The following ST8SIA5 variants were observed in gnomAD, a reference collection of about 807,000 sequenced individuals.
ST8SIA5 encodes the protein ST8 alpha-N-acetyl-neuraminide alpha-2,8-sialyltransferase 5.
ST8SIA5 carries 24 observed loss-of-function variants against 40.2 expected under a neutral mutation model. That is an observed-to-expected ratio of 0.60 (90% CI 0.43 to 0.84). ST8SIA5 has a LOEUF of 0.84. Among genes scored for constraint, ST8SIA5 ranks in the 40% least tolerant of loss-of-function variants. ST8SIA5 has a pLI of 0.00. For missense variants in ST8SIA5, 465 were observed against 498.5 expected (o/e 0.93, Z 0.64); for synonymous variants, 198 against 201.8 (o/e 0.98, Z 0.16).
Position 46,679,968 on chromosome 18 carries a change from C to T in ST8SIA5, c.*74G>A. 1 of 1,444,374 alleles carries T rather than the reference C, an allele frequency of 6.9e-7. No homozygotes were observed. The highest frequency in any genetic ancestry group is 9.3e-7 in the Non-Finnish European group (1 of 1,070,482). 89.5% of individuals were successfully genotyped at this position (1,444,374 alleles called of 1,614,324 possible). ...CGCCAGGACCCCACGCTGCCCGGTT[C>T]GGGGCTCCCAGTTCCACCAGGAGGG... On this transcript the variant is annotated 3_prime_UTR_variant, in exon 7 of 7. Transcript: ENST00000315087.
chr18:46,702,775 C>T (rs777026570), intron 2 of ST8SIA5, among the ~76,000 whole-genome samples: 6 of 152,198 alleles, frequency 3.9e-5, no homozygotes, highest in Non-Finnish European at 8.8e-5. Context: ...AATGTCTGTC[C>T]CCCTCAGTGG....
chr18:46,686,310 G>A (rs1179080646), intron 4 of ST8SIA5, 24 bp from the exon 5 acceptor site: 2 of 1,607,504 alleles, frequency 1.2e-6, no homozygotes, highest in East Asian at 2.2e-5. Flanking sequence ...AGGCACAGCT[G>A]TCAGAGCCAA....
At chr18:46,738,533 T>C (rs1456571826) in intron 1 of ST8SIA5, among the ~76,000 whole-genome samples, 5 of 152,198 alleles carry the variant, frequency 3.3e-5, no homozygotes, top group African/African-American at 4.8e-5. Flanking sequence ...CCTGGATCAC[T>C]TGCTGGCCTC....
chr18:46,699,220 AT>A (rs1347876511), intron 2 of ST8SIA5, among the ~76,000 whole-genome samples: 3 of 152,182 alleles, frequency 2.0e-5, no homozygotes, highest in African/African-American at 7.2e-5. Context: ...GGATTAAGAG[AT>A]ACTGTTGATA....
chr18:46,721,332 C>T (rs1407488953), intron 1 of ST8SIA5: 4 of 1,531,806 alleles, frequency 2.6e-6, no homozygotes, highest in Non-Finnish European at 3.5e-6. Flanking sequence ...GAGCTTCCCC[C>T]ACTCCCTGGC....
intron 1 of ST8SIA5, among the ~76,000 whole-genome samples, chr18:46,711,128 G>A (rs1384044113): frequency 6.6e-6 from 1 of 152,124 alleles, no homozygotes; most frequent in Non-Finnish European, 1.5e-5. Flanking sequence ...TGCAAATAAG[G>A]AAAAAGCACC....
intron 2 of ST8SIA5, among the ~76,000 whole-genome samples, chr18:46,696,701 C>T (rs1453488896): frequency 6.6e-6 from 1 of 152,196 alleles, no homozygotes; most frequent in Non-Finnish European, 1.5e-5. Flanking sequence ...AATTGCTTTA[C>T]AAATGCAGAG....
At chr18:46,749,704 C>G (rs531927945) in intron 1 of ST8SIA5, among the ~76,000 whole-genome samples, 3 of 152,228 alleles carry the variant, frequency 2.0e-5, no homozygotes, top group Non-Finnish European at 4.4e-5. Context: ...AAACATTTTA[C>G]ATAGTTTTTA....
intron 1 of ST8SIA5, among the ~76,000 whole-genome samples, chr18:46,719,396 G>A (rs1419566213): frequency 6.6e-6 from 1 of 152,090 alleles, no homozygotes; most frequent in East Asian, 1.9e-4. Flanking sequence ...GAGAGAGGGA[G>A]GCAATGGGGA....
intron 3 of ST8SIA5, chr18:46,691,724 G>T: frequency 5.9e-6 from 1 of 168,836 alleles, no homozygotes; most frequent in Admixed American, 5.7e-5. Context: ...TCTCGTGGAG[G>T]CTGGAAGAAC....
intron 1 of ST8SIA5, among the ~76,000 whole-genome samples, chr18:46,714,950 G>A (rs1370045385): frequency 6.6e-6 from 1 of 152,172 alleles, no homozygotes; most frequent in Non-Finnish European, 1.5e-5. Flanking sequence ...CCTGACTTAA[G>A]GAGGAGGAGT....
chr18:46,686,246 A>G lies in ST8SIA5; in HGVS notation c.497T>C (p.Val166Ala), dbSNP rs1440712787. Residue 166 changes from valine (V) to alanine (A), a missense_variant, in exon 5 of 7, where the codon GTA becomes GCA. Transcript: ENST00000315087. ...CTTCAAGATGCCTCCGTTGCCCACT[A>G]CAGCACACTTCTTAAACTGGGACCG... The part of the protein sequence containing the change: ...YYRSQFKKCA[V>A]VGNGGILKNS... The G allele has an allele frequency of 1.2e-6, 2 of 1,613,976 alleles. No individual in the cohort carries two copies. Among genetic ancestry groups the G allele is most frequent in the Admixed American group, 1.7e-5 (1 of 59,994 alleles).
At chr18:46,727,747 C>A (rs947281034) in intron 1 of ST8SIA5, among the ~76,000 whole-genome samples, 1 of 152,112 alleles carries the variant, frequency 6.6e-6, no homozygotes, top group African/African-American at 2.4e-5. Context: ...AGTATTCAAG[C>A]CCAAGCCCGG....
Position 46,674,423 on chromosome 18 carries a change from T to A in ST8SIA5, c.*5619A>T, listed in dbSNP as rs917069085. ...CAGGCAGGAGGAGTCTCTGCCTTCC[T>A]GGGATGTGCTAGGTAAAAAAATCAA... On this transcript the variant is annotated 3_prime_UTR_variant, in exon 7 of 7. Transcript: ENST00000315087. 6 of 152,170 alleles carry A rather than the reference T, an allele frequency of 3.9e-5. No individual in the cohort carries two copies. The highest frequency in any genetic ancestry group is 1.4e-4 in the African/African-American group (6 of 41,442). 9.4% of individuals were successfully genotyped at this position (152,170 alleles called of 1,614,324 possible).
chr18:46,729,392 T>TTGAGGTTCTAGAACAATGGGATCC (rs11268051), intron 1 of ST8SIA5, among the ~76,000 whole-genome samples: 4 of 151,882 alleles, frequency 2.6e-5, no homozygotes, highest in Admixed American at 1.3e-4. Context: ...GGTGGGTGCC[T>TTGAGGTTCTAGAACAATGGGATCC]TGAACTCCAC....
chr18:46,668,880 G>T lies in ST8SIA5; in HGVS notation c.*11162C>A, dbSNP rs12953964. 6 of 152,292 alleles carry T rather than the reference G, an allele frequency of 3.9e-5. No individual in the cohort carries two copies. Among genetic ancestry groups the T allele is most frequent in the African/African-American group, 1.4e-4 (6 of 41,468 alleles). 9.4% of individuals were successfully genotyped at this position (152,292 alleles called of 1,614,324 possible). A position where few individuals can be genotyped will look rare whatever the true frequency, so the allele number is the denominator to read the frequency against. ...AGAGTACAGGACGATGGGCTCGGGA[G>T]TCCGGGGTAGTCTGGCAGGAGCTGC... On this transcript the variant is annotated 3_prime_UTR_variant, in exon 7 of 7. Transcript: ENST00000315087.
chr18:46,717,836 C>CG (rs2039807768), intron 1 of ST8SIA5, among the ~76,000 whole-genome samples: 1 of 150,098 alleles, frequency 6.7e-6, no homozygotes, highest in African/African-American at 2.5e-5. Context: ...TCGCTTAATT[C>CG]ATTTTTTTTT....
intron 6 of ST8SIA5, among the ~76,000 whole-genome samples, chr18:46,681,061 T>C (rs2039390276): frequency 6.6e-6 from 1 of 152,106 alleles, no homozygotes; most frequent in African/African-American, 2.4e-5. Flanking sequence ...AGCCTTGAAA[T>C]CCTGGGCTCA....
chr18:46,688,409 T>C (rs2039469440), intron 4 of ST8SIA5, among the ~76,000 whole-genome samples: 1 of 152,206 alleles, frequency 6.6e-6, no homozygotes, highest in South Asian at 2.1e-4. Flanking sequence ...TTTCTTGTGC[T>C]CACAACTTCT....
Sources: allele counts gnomAD v4.1 joint callset (sites outside exome capture counted in the v4.1 genomes callset), GRCh38; gene constraint gnomAD v4.1.1; transcripts MANE v1.5; gene names NCBI Gene and HGNC (gene_info 2026-07-23, HGNC 2026-07-21).